Variants in CNKSR3 observed in about 807,000 individuals in gnomAD.
CNKSR3 encodes CNKSR family member 3, also known as connector enhancer of kinase suppressor of ras 3.
Under a neutral mutation model 67.7 loss-of-function variants are expected in CNKSR3, and 36 were observed. The ratio of observed to expected loss-of-function variants is 0.53; its 90% CI spans 0.41 to 0.70. The LOEUF (loss-of-function observed/expected upper bound fraction) is 0.70. CNKSR3 is among the 30% of genes least tolerant of loss of function. The pLI is 0.00. For missense variants in CNKSR3, 630 were observed against 695.2 expected (o/e 0.91, Z 1.05); for synonymous variants, 281 against 271.4 (o/e 1.04, Z -0.35).
chr6:154,437,376 C>CACAAATA (rs1482553056), intron 4 of CNKSR3, among the ~76,000 whole-genome samples: 13 of 150,012 alleles, frequency 8.7e-5, no homozygotes, highest in Non-Finnish European at 1.8e-4. Context: ...CGCACAGATG[C>CACAAATA]ACAAATATCA....
intron 1 of CNKSR3, among the ~76,000 whole-genome samples, chr6:154,493,268 A>C (rs949369941): frequency 6.6e-6 from 1 of 152,126 alleles, no homozygotes; most frequent in Admixed American, 6.5e-5. Context: ...ATCCTAGTTA[A>C]AATTGCATCC....
chr6:154,394,326 T>A lies in CNKSR3; in HGVS notation c.*12028A>T, dbSNP rs1718567065. 2 of 152,132 alleles carry A rather than the reference T, an allele frequency of 1.3e-5. No homozygotes were observed. Among genetic ancestry groups the A allele is most frequent in the South Asian group, 4.1e-4 (2 of 4,830 alleles). The allele number at this position is 152,132 out of a possible 1,614,324, so 9.4% of individuals were successfully genotyped here. A position where few individuals can be genotyped will look rare whatever the true frequency, so the allele number is the denominator to read the frequency against. ...CCACACATGGCCTTATTATTGTCAC[T>A]TCTAGGCCAGGTTGGTTGAGTATTC... On this transcript the variant is annotated 3_prime_UTR_variant, in exon 13 of 13. Coordinates refer to ENST00000607772, the MANE Select transcript of CNKSR3 (RefSeq NM_173515.4).
intron 1 of CNKSR3, among the ~76,000 whole-genome samples, chr6:154,469,757 T>G (rs971408293): frequency 6.6e-6 from 1 of 152,212 alleles, no homozygotes; most frequent in African/African-American, 2.4e-5. Flanking sequence ...TTGAACTAAC[T>G]TGGGGTTAGG....
intron 1 of CNKSR3, among the ~76,000 whole-genome samples, chr6:154,461,002 C>T (rs1786068146): frequency 6.6e-6 from 1 of 152,206 alleles, no homozygotes; most frequent in Admixed American, 6.5e-5. Context: ...CCAACCCTCT[C>T]CCAACACTGC....
intron 1 of CNKSR3, among the ~76,000 whole-genome samples, chr6:154,479,101 C>G (rs1373268186): frequency 1.3e-5 from 2 of 151,788 alleles, no homozygotes; most frequent in African/African-American, 2.4e-5. Context: ...TTTAAAAACA[C>G]AGCCTATACC....
chr6:154,427,987 C>A, intron 7 of CNKSR3, 141 bp downstream of exon 7: 1 of 632,016 alleles, frequency 1.6e-6, no homozygotes. Context: ...AGTACTCTAT[C>A]AACAGAAATA....
At chr6:154,444,630 G>A (rs1354750619) in intron 2 of CNKSR3, among the ~76,000 whole-genome samples, 10 of 141,658 alleles carry the variant, frequency 7.1e-5, no homozygotes, top group African/African-American at 1.9e-4. Context: ...TTTTTGAAAC[G>A]GAGTTTCACT....
chr6:154,503,397 G>A (rs544363640), intron 1 of CNKSR3, among the ~76,000 whole-genome samples: 20 of 152,210 alleles, frequency 1.3e-4, no homozygotes, highest in African/African-American at 1.9e-4. Context: ...AGACCGAGCC[G>A]GGAGGATCAC....
Position 154,389,004 on chromosome 6 carries a change from A to G in CNKSR3, c.*17350T>C, listed in dbSNP as rs1405124486. 1 of 151,212 alleles carries G rather than the reference A, an allele frequency of 6.6e-6. No individual in the cohort carries two copies. The highest frequency in any genetic ancestry group is 2.4e-5 in the African/African-American group (1 of 41,034). The allele number at this position is 151,212 out of a possible 1,614,324, so 9.4% of individuals were successfully genotyped here. On this transcript the variant is annotated 3_prime_UTR_variant, in exon 13 of 13. Transcript: ENST00000607772. ...CATATTTTAGATGTCAACCCTTATCACATACATCGCTTGCAAATACTTTCT... is the reference window on the plus strand; with the variant it reads ...CATATTTTAGATGTCAACCCTTATCGCATACATCGCTTGCAAATACTTTCT...
intron 1 of CNKSR3, among the ~76,000 whole-genome samples, chr6:154,503,680 A>AT (rs1252356532): frequency 6.6e-6 from 1 of 151,960 alleles, no homozygotes; most frequent in Non-Finnish European, 1.5e-5. Flanking sequence ...TCTTCAAGGA[A>AT]TAAGGAAGAA....
chr6:154,482,148 C>T (rs889814511), intron 1 of CNKSR3, among the ~76,000 whole-genome samples: 3 of 152,174 alleles, frequency 2.0e-5, no homozygotes, highest in Admixed American at 6.5e-5. Flanking sequence ...AAACAAACTT[C>T]GGAGAAAGAT....
intron 6 of CNKSR3, 36 bp from the exon 7 acceptor site, chr6:154,428,223 C>T (rs1328203157): frequency 7.2e-7 from 1 of 1,387,544 alleles, no homozygotes; most frequent in Non-Finnish European, 1.0e-6. Context: ...CTCATTACTC[C>T]AACGTTTAGA....
chr6:154,510,168 G>A lies in CNKSR3; in HGVS notation c.-54C>T. 1 of 1,605,580 alleles carries A rather than the reference G, an allele frequency of 6.2e-7. No individual in the cohort carries two copies. Among genetic ancestry groups the A allele is most frequent in the South Asian group, 1.1e-5 (1 of 90,906 alleles). ...GGAGAGTCGCAGATAAAGTGCTGCT[G>A]CCTGCGCTCCGGTGCCCCTTCCCGG... On this transcript the variant is annotated 5_prime_UTR_variant, in exon 1 of 13. Transcript: ENST00000607772.
chr6:154,509,104 A>G (rs1333821420), intron 1 of CNKSR3, among the ~76,000 whole-genome samples: 2 of 152,134 alleles, frequency 1.3e-5, no homozygotes, highest in African/African-American at 2.4e-5. Flanking sequence ...AGAAAAACAA[A>G]TAGTAACTTG....
intron 9 of CNKSR3, among the ~76,000 whole-genome samples, chr6:154,419,556 T>C (rs956000230): frequency 2.0e-5 from 3 of 152,152 alleles, no homozygotes; most frequent in African/African-American, 7.2e-5. Context: ...GGTGGGAATG[T>C]AAATTAGTGG....
chr6:154,420,561 T>C (rs9478541), intron 9 of CNKSR3, among the ~76,000 whole-genome samples: 19,959 of 146,310 alleles, frequency 0.14, 1,486 homozygotes, highest in East Asian at 0.25. Flanking sequence ...TAGTGGCGGG[T>C]GCCTGTAGTC....
intron 3 of CNKSR3, 85 bp downstream of exon 3, chr6:154,442,003 C>T: frequency 1.6e-6 from 2 of 1,280,768 alleles, no homozygotes; most frequent in Non-Finnish European, 1.1e-6. Flanking sequence ...ACAATGGTTC[C>T]TTTTCCTAAG....
intron 11 of CNKSR3, 73 bp from the exon 12 acceptor site, chr6:154,410,505 A>T: frequency 9.9e-7 from 1 of 1,005,222 alleles, no homozygotes. Context: ...CCCTTTATGT[A>T]TAACTTAGAC....
At position 154,413,139 on chromosome 6, in the gene CNKSR3, TACACACAC is replaced by T. The variant is rs60788837; in HGVS notation, c.1070+1152_1070+1159del. Among the ~76,000 whole-genome samples the T allele has an allele frequency of 6.7e-3, 972 of 145,104 alleles. 24 individuals are homozygous for T. Among genetic ancestry groups the T allele is most frequent in the Non-Finnish European group, 2.6e-3 (169 of 66,260 alleles). ...CAACTATCTTTTTAAGAATTTATGG[TACACACAC>T]ACACACACACACACACACACACACA... On this transcript the variant is annotated intron_variant, in intron 10 of 12. Coordinates refer to ENST00000607772, the MANE Select transcript of CNKSR3 (RefSeq NM_173515.4).
Sources: gnomAD v4.1 joint callset for allele counts (sites outside exome capture counted in the v4.1 genomes callset) on GRCh38, gnomAD v4.1.1 for gene constraint, MANE v1.5 for transcripts, NCBI Gene and HGNC (gene_info 2026-07-23, HGNC 2026-07-21) for gene names.